The following SERGEF variants were observed in gnomAD, a reference collection of about 807,000 sequenced individuals.
SERGEF encodes secretion regulating guanine nucleotide exchange factor.
In SERGEF, 51 loss-of-function variants were observed where a neutral mutation model predicts 50.0. The ratio of observed to expected loss-of-function variants is 1.02; its 90% CI spans 0.81 to 1.29. SERGEF has a LOEUF of 1.29. SERGEF is among the 50% of genes most tolerant of loss of function. The pLI is 0.00. For synonymous variants in SERGEF, 205 were observed against 212.4 expected (o/e 0.97, Z 0.30); for missense variants, 521 against 557.0 (o/e 0.94, Z 0.65).
chr11:17,846,631 G>A (rs1437988439), intron 10 of SERGEF: 3 of 448,234 alleles, frequency 6.7e-6, no homozygotes, highest in African/African-American at 4.0e-5. Context: ...CAGCACTGAA[G>A]TCTCTCACAG....
chr11:17,965,771 C>T (rs192997844), intron 8 of SERGEF, among the ~76,000 whole-genome samples: 3 of 152,186 alleles, frequency 2.0e-5, no homozygotes, highest in Non-Finnish European at 4.4e-5. Context: ...AATCCAACCA[C>T]CTCCCTACCT....
intron 9 of SERGEF, chr11:17,926,808 G>C (rs780753763): frequency 2.4e-5 from 11 of 456,088 alleles, no homozygotes; most frequent in South Asian, 1.5e-4. Context: ...CAGAGCTCTA[G>C]GAATTCATCT....
intron 9 of SERGEF, among the ~76,000 whole-genome samples, chr11:17,887,194 G>A (rs1203905146): frequency 1.3e-5 from 2 of 152,168 alleles, no homozygotes; most frequent in African/African-American, 4.8e-5. Context: ...AGGCTTTTGA[G>A]TTGCCTTGGG....
At chr11:17,876,483 T>A (rs1177905017) in intron 10 of SERGEF, among the ~76,000 whole-genome samples, 1 of 152,254 alleles carries the variant, frequency 6.6e-6, no homozygotes, top group Non-Finnish European at 1.5e-5. Context: ...GGAATTTATA[T>A]CTGCCAGCCA....
intron 10 of SERGEF, chr11:17,855,680 G>A (rs989670653): frequency 3.9e-5 from 6 of 152,066 alleles, no homozygotes; most frequent in South Asian, 4.2e-4. Context: ...GAGTATTTTC[G>A]GACTGTGGCT....
intron 9 of SERGEF, among the ~76,000 whole-genome samples, chr11:17,910,696 G>A (rs536324827): frequency 1.4e-4 from 22 of 152,208 alleles, no homozygotes; most frequent in East Asian, 5.8e-4. Context: ...CAGCATAGGC[G>A]AAGAGGACAT....
In SERGEF at chr11:17,955,224, C is replaced by A. The variant is rs549765993; in HGVS notation, c.1011+4246G>T. 3.3e-5 allele frequency among the ~76,000 whole-genome samples: 5 copies of A among 152,292 alleles called. 1 individual carries two copies. The highest frequency in any genetic ancestry group is 4.1e-4 in the South Asian group (2 of 4,830). ...TTTTGTTAGTGTCTTCAGAATTGAC[C>A]ATTCCATCTTTAGTGCTCCTTTGGC... On this transcript the variant is annotated intron_variant, in intron 9 of 10. Transcript: ENST00000265965.
chr11:17,833,657 G>A (rs1451493706), intron 10 of SERGEF, among the ~76,000 whole-genome samples: 6 of 152,210 alleles, frequency 3.9e-5, no homozygotes, highest in Non-Finnish European at 7.3e-5. Context: ...AAATCCACAG[G>A]GGTGGAGCTG....
intron 8 of SERGEF, among the ~76,000 whole-genome samples, chr11:17,963,572 G>C (rs563992665): frequency 1.3e-5 from 2 of 151,814 alleles, no homozygotes; most frequent in Non-Finnish European, 2.9e-5. Flanking sequence ...TTTTAGTAGA[G>C]ACAGGGTTTT....
chr11:17,896,804 T>G (rs1350601255), intron 9 of SERGEF, among the ~76,000 whole-genome samples: 40 of 62,130 alleles, frequency 6.4e-4, no homozygotes, highest in African/African-American at 8.0e-4. Flanking sequence ...AAGGGAAGGG[T>G]AAGGGAAGGG....
chr11:17,994,394 T>C (rs1853788348), intron 6 of SERGEF, among the ~76,000 whole-genome samples: 1 of 139,952 alleles, frequency 7.1e-6, no homozygotes, highest in Non-Finnish European at 1.5e-5. Context: ...GAGGATGGCG[T>C]GAACCCGGGA....
At chr11:17,929,727 A>G (rs558526630) in intron 9 of SERGEF, among the ~76,000 whole-genome samples, 1 of 152,284 alleles carries the variant, frequency 6.6e-6, no homozygotes, top group South Asian at 2.1e-4. Context: ...GGTCTTTTGC[A>G]AGGTTGTTTC....
chr11:17,901,110 C>T (rs1347368722), intron 9 of SERGEF, among the ~76,000 whole-genome samples: 1 of 151,854 alleles, frequency 6.6e-6, no homozygotes, highest in Non-Finnish European at 1.5e-5. Flanking sequence ...ATTGTAGTTA[C>T]CTCAGAATCA....
chr11:17,962,394 ATGAATGTCTGCATCAAGC>A (rs1037159123), intron 8 of SERGEF, among the ~76,000 whole-genome samples: 2 of 152,264 alleles, frequency 1.3e-5, no homozygotes, highest in African/African-American at 4.8e-5. Flanking sequence ...TACACTGTAG[ATGAATGTCTGCATCAAGC>A]TGATGCGTGC....
chr11:17,892,883 A>G (rs1851558583), intron 9 of SERGEF, among the ~76,000 whole-genome samples: 1 of 152,210 alleles, frequency 6.6e-6, no homozygotes, highest in Admixed American at 6.5e-5. Context: ...AAAGGACTCT[A>G]TTAGACAGAA....
At chr11:17,846,904 A>G (rs1213689444) in intron 10 of SERGEF, 1 of 372,990 alleles carries the variant, frequency 2.7e-6, no homozygotes, top group African/African-American at 2.1e-5. Flanking sequence ...AGGGCCCAAG[A>G]CCTTAAGCAA....
In SERGEF at chr11:17,924,375, G is replaced by A. The variant is rs1197708424; in HGVS notation, c.1011+35095C>T. ...AAGGAAGGCCATGTGTGAAGTCAGAGAGGCAGGAAAGAGAACCTGGTATGT... is the reference window on the plus strand; with the variant it reads ...AAGGAAGGCCATGTGTGAAGTCAGAAAGGCAGGAAAGAGAACCTGGTATGT... On this transcript the variant is annotated intron_variant, in intron 9 of 10. Transcript: ENST00000265965. Among the ~76,000 whole-genome samples, 4 of 152,174 alleles carry A rather than the reference G, an allele frequency of 2.6e-5. No homozygotes were observed. The East Asian group carries it at 7.7e-4, about 29-fold the overall frequency.
chr11:17,808,826 T>C (rs1421124348), intron 10 of SERGEF, among the ~76,000 whole-genome samples: 2 of 152,242 alleles, frequency 1.3e-5, no homozygotes, highest in Admixed American at 6.5e-5. Context: ...GAGGAGCCAA[T>C]TGGCTTGTAT....
chr11:17,935,963 C>T (rs1852444595), intron 9 of SERGEF, among the ~76,000 whole-genome samples: 1 of 148,988 alleles, frequency 6.7e-6, no homozygotes, highest in Non-Finnish European at 1.5e-5. Flanking sequence ...GATCACTACC[C>T]ATTCAGTCTT....
Sources: gnomAD v4.1 joint callset for allele counts (sites outside exome capture counted in the v4.1 genomes callset) on GRCh38, gnomAD v4.1.1 for gene constraint, MANE v1.5 for transcripts, NCBI Gene and HGNC (gene_info 2026-07-23, HGNC 2026-07-21) for gene names.